The following ZNF106 variants were observed in gnomAD, a reference collection of about 807,000 sequenced individuals.
ZNF106 encodes the protein zinc finger protein 106.
In ZNF106, 67 loss-of-function variants were observed where a neutral mutation model predicts 195.1. The ratio of observed to expected loss-of-function variants is 0.34; its 90% CI spans 0.28 to 0.42. ZNF106 has a LOEUF of 0.42. Ranked by LOEUF, ZNF106 falls within the 10% of genes least tolerant of loss-of-function variation. The probability of loss-of-function intolerance (pLI) is 1.00; values close to 1 mark genes in which losing one functional copy is unlikely to be tolerated. For synonymous variants in ZNF106, 784 were observed against 818.6 expected (o/e 0.96, Z 0.72); for missense variants, 2,118 against 2,304.5 (o/e 0.92, Z 1.66).
At chr15:42,441,309 C>A (rs1371479916) in intron 10 of ZNF106, among the ~76,000 whole-genome samples, 1 of 151,606 alleles carries the variant, frequency 6.6e-6, no homozygotes, top group Non-Finnish European at 1.5e-5. Context: ...TGCCACCATA[C>A]TCCAGCCTGA....
chr15:42,469,264 T>A (rs1187405931), intron 2 of ZNF106, among the ~76,000 whole-genome samples: 1 of 152,202 alleles, frequency 6.6e-6, no homozygotes, highest in South Asian at 2.1e-4. Context: ...CTTACCAATA[T>A]GCCTAATCCC....
In ZNF106 at chr15:42,444,886, G is replaced by A. The variant is rs2055710066; in HGVS notation, c.3301C>T (p.Arg1101Cys). The change falls in exon 8 of 22, where the codon CGT becomes TGT. Residue 1101 changes from arginine to cysteine, a missense_variant. Transcript: ENST00000564754. The stretch of plus-strand genomic sequence containing the variant: ...ACATAAGCTGTCTGAAGGGCTGCAC[G>A]GGCTTGCAGAAGATTGTTATCCATG... Reference protein sequence around the residue: ...QCMDNNLLQARAALQTAYVEV... With the variant: ...QCMDNNLLQACAALQTAYVEV... 2 of 1,614,140 alleles carry A rather than the reference G, an allele frequency of 1.2e-6. No individual in the cohort carries two copies. The highest frequency in any genetic ancestry group is 1.7e-6 in the Non-Finnish European group (2 of 1,180,030).
chr15:42,457,676 T>TCCTCACATTCCA, intron 3 of ZNF106: 1 of 406,744 alleles, frequency 2.5e-6, no homozygotes, highest in African/African-American at 2.2e-5. Context: ...CTGCCTGGAA[T>TCCTCACATTCCA]GTGAGGATTC....
chr15:42,444,293 G>T (rs2055680044), intron 8 of ZNF106, 31 bp from the exon 9 acceptor site: 2 of 1,563,224 alleles, frequency 1.3e-6, no homozygotes, highest in African/African-American at 2.7e-5. Context: ...TAAGCATTTT[G>T]AAATCCAACT....
chr15:42,454,452 A>C (rs1293122889), intron 4 of ZNF106, among the ~76,000 whole-genome samples: 1 of 152,182 alleles, frequency 6.6e-6, no homozygotes, highest in Non-Finnish European at 1.5e-5. Flanking sequence ...AATAAATCAC[A>C]AAGTAGAATT....
chr15:42,437,802 G>A (rs1380625897), intron 12 of ZNF106, among the ~76,000 whole-genome samples: 2 of 151,714 alleles, frequency 1.3e-5, no homozygotes, highest in Non-Finnish European at 2.9e-5. Context: ...AGTTATTTGG[G>A]GAGGCTGAGG....
rs2054393752 is a variant in ZNF106, at chr15:42,414,903, A to G, written c.*2401T>C. 1 of 152,242 alleles carries G rather than the reference A, an allele frequency of 6.6e-6. No homozygotes were observed. Among genetic ancestry groups the G allele is most frequent in the Admixed American group, 6.5e-5 (1 of 15,276 alleles). 9.4% of individuals were successfully genotyped at this position (152,242 alleles called of 1,614,324 possible). On this transcript the variant is annotated 3_prime_UTR_variant, in exon 22 of 22. Transcript: ENST00000564754. ...GCTTCTCTGGATATCCTTATAGGAA[A>G]TAGGGGTGAGAGGTGGGAAAAGCTT...
intron 2 of ZNF106, among the ~76,000 whole-genome samples, chr15:42,468,398 C>T (rs1233771072): frequency 6.6e-6 from 1 of 151,702 alleles, no homozygotes; most frequent in East Asian, 2.0e-4. Flanking sequence ...TTTTAAATGG[C>T]AATTTTACTG....
At chr15:42,485,423 A>G (rs1329727413) in intron 1 of ZNF106, among the ~76,000 whole-genome samples, 1 of 152,194 alleles carries the variant, frequency 6.6e-6, no homozygotes, top group African/African-American at 2.4e-5. Context: ...GAAAAAATAA[A>G]TTACTTCCAG....
intron 4 of ZNF106, 150 bp downstream of exon 4, chr15:42,456,808 C>A: frequency 4.3e-6 from 3 of 705,586 alleles, no homozygotes; most frequent in East Asian, 2.7e-5. Context: ...AGAAAACATT[C>A]CATTGCCCTT....
At chr15:42,449,313 A>G (rs889610969) in intron 5 of ZNF106, among the ~76,000 whole-genome samples, 2 of 151,944 alleles carry the variant, frequency 1.3e-5, no homozygotes, top group South Asian at 4.1e-4. Flanking sequence ...TTGTAGTCAT[A>G]AAGATAATGC....
intron 1 of ZNF106, among the ~76,000 whole-genome samples, chr15:42,482,460 A>T (rs571533771): frequency 5.7e-4 from 86 of 149,772 alleles, no homozygotes; most frequent in Non-Finnish European, 8.9e-4. Context: ...TTGTTTTCAT[A>T]GTATCTAACT....
intron 7 of ZNF106, among the ~76,000 whole-genome samples, chr15:42,446,318 C>T (rs1366251063): frequency 6.6e-6 from 1 of 152,212 alleles, no homozygotes; most frequent in Non-Finnish European, 1.5e-5. Context: ...CGGTGGCTCA[C>T]ATCTATAATC....
At position 42,450,885 on chromosome 15, in the gene ZNF106, G is replaced by C. The variant is rs2055990766; in HGVS notation, c.1387C>G (p.Gln463Glu). Residue 463 changes from glutamine (Q) to glutamate (E), a missense_variant, in exon 5 of 22, where the codon CAA becomes GAA. By Grantham distance (29) the Gln-to-Glu change is conservative. Transcript: ENST00000564754. ...RQCPTAEKPEQEHTPNKMPSL... is the reference protein window; with the variant it reads ...RQCPTAEKPEEEHTPNKMPSL... ...GGCATTTTATTTGGTGTATGCTCTT[G>C]TTCAGGTTTTTCTGCAGTGGGGCAC... 7.4e-6 allele frequency: 12 copies of C among 1,614,190 alleles called. No individual in the cohort carries two copies. The highest frequency in any genetic ancestry group is 1.0e-5 in the Non-Finnish European group (12 of 1,180,036).
rs751837308 is a variant in ZNF106, at chr15:42,451,537, G to A, written c.735C>T (p.Asn245=). 2.2e-5 allele frequency: 35 copies of A among 1,613,976 alleles called. No individual in the cohort carries two copies. Among genetic ancestry groups the A allele is most frequent in the East Asian group, 1.3e-4 (6 of 44,894 alleles). Residue 245 remains asparagine (N), a synonymous_variant, in exon 5 of 22, where the codon AAC becomes AAT. Coordinates refer to ENST00000564754, the MANE Select transcript of ZNF106 (RefSeq NM_001366845.3). Reference sequence around the variant, plus strand: ...TACGTACACTGGATTTCCAGTTTCCGTTACTGTTGTTCATATGCCAACTGG... The same window carrying A: ...TACGTACACTGGATTTCCAGTTTCCATTACTGTTGTTCATATGCCAACTGG... ...GFSSWHMNNS[N]GNWKSSVRST... is the part of the protein sequence containing the mutation.
intron 21 of ZNF106, 122 bp downstream of exon 21, chr15:42,417,683 A>G: frequency 2.5e-6 from 3 of 1,219,172 alleles, no homozygotes; most frequent in Non-Finnish European, 3.3e-6. Flanking sequence ...TCTGAATCAT[A>G]AAAATAAAAA....
Position 42,451,343 on chromosome 15 carries a change from T to A in ZNF106, c.929A>T (p.Lys310Ile). ...TCTATATGTGGCAACTGTACCAAGT[T>A]TGTCATTTTCTTGCCGCTGCCAATT... ...RYNWQRQEND[K>I]LGTVATYRGP... Residue 310 changes from lysine to isoleucine, a missense_variant, in exon 5 of 22, where the codon AAA becomes ATA. Coordinates refer to ENST00000564754, the MANE Select transcript of ZNF106 (RefSeq NM_001366845.3). 1 of 1,613,832 alleles carries A rather than the reference T, an allele frequency of 6.2e-7. No homozygotes were observed. Among genetic ancestry groups the A allele is most frequent in the Non-Finnish European group, 8.5e-7 (1 of 1,179,756 alleles).
chr15:42,489,906 G>A (rs1410613317), intron 1 of ZNF106, among the ~76,000 whole-genome samples: 2 of 152,074 alleles, frequency 1.3e-5, no homozygotes, highest in Non-Finnish European at 2.9e-5. Context: ...CGTGGTGGTG[G>A]TGCACGCCTG....
chr15:42,491,049 G>A lies in ZNF106; in HGVS notation c.-102C>T, dbSNP rs996730750. On this transcript the variant is annotated 5_prime_UTR_variant, in exon 1 of 22. Transcript: ENST00000564754. Reference sequence around the variant, plus strand: ...GGCGAGGGAGCTCCCTGACGCCTCAGACGCCCCCTTCAGTTTTGGGTCCGG... The same window carrying A: ...GGCGAGGGAGCTCCCTGACGCCTCAAACGCCCCCTTCAGTTTTGGGTCCGG... 4.6e-5 allele frequency: 7 copies of A among 151,940 alleles called. No individual in the cohort carries two copies. Among genetic ancestry groups the A allele is most frequent in the African/African-American group, 1.7e-4 (7 of 41,342 alleles). The allele number at this position is 151,940 out of a possible 1,614,324, so 9.4% of individuals were successfully genotyped here. A position where few individuals can be genotyped will look rare whatever the true frequency, so the allele number is the denominator to read the frequency against.
Sources: allele counts gnomAD v4.1 joint callset (sites outside exome capture counted in the v4.1 genomes callset), GRCh38; gene constraint gnomAD v4.1.1; transcripts MANE v1.5; gene names NCBI Gene and HGNC (gene_info 2026-07-23, HGNC 2026-07-21).